The following SYN2 variants were observed in gnomAD, a reference collection of about 807,000 sequenced individuals.
The protein encoded by SYN2 is synapsin-2.
SYN2 carries 19 observed loss-of-function variants against 50.9 expected under a neutral mutation model. That is an observed-to-expected ratio of 0.37 (90% CI 0.26 to 0.55). SYN2 has a LOEUF of 0.55. Among genes scored for constraint, SYN2 ranks in the 20% least tolerant of loss-of-function variants. The pLI, the probability that SYN2 is intolerant of heterozygous loss-of-function variation, is 0.81. For missense variants in SYN2, 587 were observed against 576.4 expected (o/e 1.02, Z -0.19); for synonymous variants, 255 against 224.9 (o/e 1.13, Z -1.20).
At chr3:12,101,498 A>G (rs985651199) in intron 1 of SYN2, among the ~76,000 whole-genome samples, 20 of 152,184 alleles carry the variant, frequency 1.3e-4, no homozygotes, top group Admixed American at 2.0e-4. Flanking sequence ...GGGATATGCT[A>G]TGACTGCTGT....
At chr3:12,074,624 C>T (rs1344530208) in intron 1 of SYN2, among the ~76,000 whole-genome samples, 4 of 152,068 alleles carry the variant, frequency 2.6e-5, no homozygotes, top group Admixed American at 2.6e-4. Context: ...TTTTTGTATT[C>T]AAATTTGTTC....
chr3:12,066,849 G>C (rs951262986), intron 1 of SYN2, among the ~76,000 whole-genome samples: 1 of 152,082 alleles, frequency 6.6e-6, no homozygotes, highest in African/African-American at 2.4e-5. Context: ...GCTGGGGGGG[G>C]CCTCAGGAAG....
At position 12,004,506 on chromosome 3, in the gene SYN2, G is replaced by A. The variant is rs779709128; in HGVS notation, c.-46G>A. ...CCTTCCGCCCTCGCTCTCCCTCCGC[G>A]CCACCAGACCCCGTAGCCCCGCGCG... On this transcript the variant is annotated 5_prime_UTR_variant, in exon 1 of 13. Coordinates refer to ENST00000621198, the MANE Select transcript of SYN2 (RefSeq NM_133625.6). 1 of 482,966 alleles carries A rather than the reference G, an allele frequency of 2.1e-6. No homozygotes were observed. Among genetic ancestry groups the A allele is most frequent in the South Asian group, 2.4e-5 (1 of 42,544 alleles). The allele number at this position is 482,966 out of a possible 1,614,324, so 29.9% of individuals were successfully genotyped here.
intron 1 of SYN2, among the ~76,000 whole-genome samples, chr3:12,099,722 T>C: frequency 6.6e-6 from 1 of 152,000 alleles, no homozygotes; most frequent in East Asian, 1.9e-4. Flanking sequence ...CCCAGCACTT[T>C]GGGAGGCCGA....
intron 5 of SYN2, chr3:12,153,735 T>C: frequency 1.9e-6 from 3 of 1,613,118 alleles, no homozygotes; most frequent in Non-Finnish European, 2.5e-6. Context: ...CCACACAACA[T>C]TAAAGTGAGT....
chr3:12,032,043 G>C (rs990930798), intron 1 of SYN2, among the ~76,000 whole-genome samples: 1 of 132,924 alleles, frequency 7.5e-6, no homozygotes, highest in Admixed American at 8.3e-5. Flanking sequence ...CATGTTTAGC[G>C]CTTCCTTGAG....
intron 1 of SYN2, among the ~76,000 whole-genome samples, chr3:12,087,606 G>T (rs895783111): frequency 6.6e-6 from 1 of 151,732 alleles, no homozygotes. Context: ...AAAAAAAATA[G>T]CTAGGAGTGG....
intron 1 of SYN2, among the ~76,000 whole-genome samples, chr3:12,005,575 AT>A (rs34618576): frequency 0.061 from 8,279 of 136,234 alleles, 284 homozygotes; most frequent in Non-Finnish European, 0.09. Context: ...GACGTGTGGA[AT>A]TTTTTTTTTT....
At chr3:12,134,738 A>G (rs534763926) in intron 1 of SYN2, among the ~76,000 whole-genome samples, 1 of 152,224 alleles carries the variant, frequency 6.6e-6, no homozygotes, top group East Asian at 1.9e-4. Context: ...CCTGGACTAT[A>G]TGAAACTTTT....
chr3:12,096,349 G>A (rs565778368), intron 1 of SYN2, among the ~76,000 whole-genome samples: 8 of 152,108 alleles, frequency 5.3e-5, no homozygotes, highest in Non-Finnish European at 1.0e-4. Flanking sequence ...ACAGATTCTT[G>A]TTGGCTCCTT....
Position 12,139,824 on chromosome 3 carries a change from A to G in SYN2, c.378-827A>G, listed in dbSNP as rs567917612. On this transcript the variant is annotated intron_variant, in intron 1 of 12. Transcript: ENST00000621198. ...ATGGAGAACCAGCCTAAAAGGACAG[A>G]TAAGGAAATCTAATGTGGGGAGGGC... is the stretch of plus-strand genomic sequence containing the variant. 3.3e-5 allele frequency among the ~76,000 whole-genome samples: 5 copies of G among 152,376 alleles called. No homozygotes were observed. The East Asian group carries it at 9.6e-4, about 29-fold the overall frequency.
At chr3:12,087,290 A>T (rs1695723487) in intron 1 of SYN2, among the ~76,000 whole-genome samples, 1 of 152,152 alleles carries the variant, frequency 6.6e-6, no homozygotes, top group African/African-American at 2.4e-5. Flanking sequence ...TATTACCCAA[A>T]GTGTTCTACA....
At chr3:12,170,320 G>A (rs991348596) in intron 10 of SYN2, among the ~76,000 whole-genome samples, 1 of 152,216 alleles carries the variant, frequency 6.6e-6, no homozygotes, top group Non-Finnish European at 1.5e-5. Flanking sequence ...CGTAAATAAG[G>A]AAGTCTCTTT....
chr3:12,016,737 T>C (rs974322831), intron 1 of SYN2, among the ~76,000 whole-genome samples: 4 of 152,106 alleles, frequency 2.6e-5, no homozygotes, highest in African/African-American at 9.7e-5. Context: ...GCACTTGTAA[T>C]CCCAGCTACT....
chr3:12,066,106 A>G (rs1486316489), intron 1 of SYN2, among the ~76,000 whole-genome samples: 1 of 152,186 alleles, frequency 6.6e-6, no homozygotes, highest in Admixed American at 6.5e-5. Flanking sequence ...CACACTTTAA[A>G]AGGATGAATT....
At chr3:12,015,195 G>T (rs913648198) in intron 1 of SYN2, among the ~76,000 whole-genome samples, 1 of 152,152 alleles carries the variant, frequency 6.6e-6, no homozygotes, top group South Asian at 2.1e-4. Context: ...CTCAGTTGTT[G>T]CATCGTCTAG....
chr3:12,140,516 T>A (rs1369255729), intron 1 of SYN2, 135 bp from the exon 2 acceptor site: 1 of 690,520 alleles, frequency 1.4e-6, no homozygotes, highest in Non-Finnish European at 2.7e-6. Flanking sequence ...CATAGCAGAA[T>A]GTGGATCAGA....
chr3:12,170,451 G>A (rs1197375239), intron 10 of SYN2, among the ~76,000 whole-genome samples: 2 of 152,202 alleles, frequency 1.3e-5, no homozygotes, highest in Admixed American at 6.5e-5. Context: ...TTCTTCAGTT[G>A]GCTGTAGTGC....
At chr3:12,018,403 T>C (rs1694065389) in intron 1 of SYN2, among the ~76,000 whole-genome samples, 1 of 152,182 alleles carries the variant, frequency 6.6e-6, no homozygotes, top group Non-Finnish European at 1.5e-5. Flanking sequence ...GGATCCTGTG[T>C]GTATTTCTTG....
Sources: gnomAD v4.1 joint callset for allele counts (sites outside exome capture counted in the v4.1 genomes callset) on GRCh38, gnomAD v4.1.1 for gene constraint, MANE v1.5 for transcripts, NCBI Gene and HGNC (gene_info 2026-07-23, HGNC 2026-07-21) for gene names.